Variants in RECK observed in about 807,000 individuals in gnomAD.
The protein encoded by RECK is reversion inducing cysteine rich protein with kazal motifs, also known as reversion-inducing cysteine-rich protein with Kazal motifs.
RECK carries 69 observed loss-of-function variants against 115.1 expected under a neutral mutation model. The observed-to-expected ratio is 0.60, with a 90% CI of 0.49 to 0.73. The LOEUF (loss-of-function observed/expected upper bound fraction) is 0.73, where lower values mean the gene tolerates loss of function less well. Among genes scored for constraint, RECK ranks in the 30% least tolerant of loss-of-function variants. RECK has a pLI of 0.00. For missense variants in RECK, 1,047 were observed against 1,203.7 expected, an observed-to-expected ratio of 0.87 and a Z score of 1.93; for synonymous variants, 414 against 419.7, an observed-to-expected ratio of 0.99 and a Z score of 0.17.
At chr9:36,077,951 T>G (rs752271695) in intron 6 of RECK, among the ~76,000 whole-genome samples, 11 of 152,222 alleles carry the variant, frequency 7.2e-5, no homozygotes, top group Admixed American at 1.3e-4. Flanking sequence ...CATGCACCCA[T>G]AGTCGCAGGT....
At chr9:36,078,352 A>T (rs563005069) in intron 6 of RECK, among the ~76,000 whole-genome samples, 1 of 152,374 alleles carries the variant, frequency 6.6e-6, no homozygotes, top group African/African-American at 2.4e-5. Flanking sequence ...AACCACAGTG[A>T]CATTTATTTG....
chr9:36,114,806 C>T (rs768079804), intron 16 of RECK, among the ~76,000 whole-genome samples: 11 of 152,190 alleles, frequency 7.2e-5, no homozygotes, highest in Non-Finnish European at 1.3e-4. Flanking sequence ...GATGGTGCCA[C>T]TGCACTCCAG....
chr9:36,114,727 C>T (rs1318434030), intron 16 of RECK, among the ~76,000 whole-genome samples: 1 of 152,054 alleles, frequency 6.6e-6, no homozygotes, highest in Non-Finnish European at 1.5e-5. Context: ...CACCTGTAGT[C>T]CCAGCTACTC....
At chr9:36,046,044 A>T (rs1821062073) in intron 1 of RECK, among the ~76,000 whole-genome samples, 1 of 152,204 alleles carries the variant, frequency 6.6e-6, no homozygotes, top group Admixed American at 6.5e-5. Context: ...AATGAAGATA[A>T]CACCTGTGTT....
intron 1 of RECK, among the ~76,000 whole-genome samples, chr9:36,050,712 G>T (rs943072586): frequency 1.3e-5 from 2 of 151,918 alleles, no homozygotes; most frequent in Admixed American, 6.6e-5. Flanking sequence ...CTCTCTGATC[G>T]CATTATGTCC....
chr9:36,099,709 T>A (rs1209784874), intron 10 of RECK, among the ~76,000 whole-genome samples: 2 of 152,126 alleles, frequency 1.3e-5, no homozygotes, highest in African/African-American at 4.8e-5. Context: ...GGTCTCAAAC[T>A]CCTGAGCTCA....
In RECK at chr9:36,088,655, A is replaced by C. The variant is rs567966035; in HGVS notation, c.905+694A>C. Among the ~76,000 whole-genome samples, 371 of 152,380 alleles carry C rather than the reference A, an allele frequency of 2.4e-3. 1 individual carries two copies. Among genetic ancestry groups the C allele is most frequent in the African/African-American group, 8.7e-3 (362 of 41,590 alleles). On this transcript the variant is annotated intron_variant, in intron 9 of 20. Transcript: ENST00000377966. ...TGGTTTCTAAATTGGATGGACCTTT[A>C]GCAAAAAATTTTGCCTAGAATAGCT...
intron 13 of RECK, among the ~76,000 whole-genome samples, chr9:36,106,250 T>C (rs1823810762): frequency 6.6e-6 from 1 of 151,890 alleles, no homozygotes; most frequent in Non-Finnish European, 1.5e-5. Flanking sequence ...GTTTTTTTTT[T>C]TGAGACGGGG....
chr9:36,106,241 T>G (rs1323902867), intron 13 of RECK, among the ~76,000 whole-genome samples: 1 of 142,380 alleles, frequency 7.0e-6, no homozygotes, highest in African/African-American at 2.6e-5. Flanking sequence ...AAAAAAAACG[T>G]TTTTTTTTTT....
chr9:36,071,832 C>A (rs1822241904), intron 6 of RECK, among the ~76,000 whole-genome samples: 1 of 152,106 alleles, frequency 6.6e-6, no homozygotes, highest in East Asian at 1.9e-4. Flanking sequence ...AAAATTAAGA[C>A]TGTTGAGGAT....
intron 16 of RECK, among the ~76,000 whole-genome samples, chr9:36,112,869 G>A (rs1338359023): frequency 6.6e-6 from 1 of 152,206 alleles, no homozygotes. Context: ...CATGGTGTCT[G>A]TTGGGCACTA....
intron 1 of RECK, among the ~76,000 whole-genome samples, chr9:36,042,423 A>AGT (rs35193636): frequency 0.13 from 18,757 of 144,278 alleles, 1,313 homozygotes; most frequent in Non-Finnish European, 0.17. Flanking sequence ...AGTATTCCAT[A>AGT]GTGTGTGTGT....
chr9:36,056,417 G>A (rs938256753), intron 2 of RECK, among the ~76,000 whole-genome samples: 1 of 152,066 alleles, frequency 6.6e-6, no homozygotes, highest in African/African-American at 2.4e-5. Flanking sequence ...TGATCTGTAG[G>A]TTTCTCCTTG....
intron 2 of RECK, among the ~76,000 whole-genome samples, chr9:36,055,963 C>T (rs1821504911): frequency 6.6e-6 from 1 of 151,896 alleles, no homozygotes; most frequent in African/African-American, 2.4e-5. Context: ...TCTTTCTTAT[C>T]TTTCATTATT....
chr9:36,040,239 G>T (rs1338030512), intron 1 of RECK, among the ~76,000 whole-genome samples: 2 of 152,126 alleles, frequency 1.3e-5, no homozygotes, highest in Non-Finnish European at 2.9e-5. Context: ...ATGCCATGAA[G>T]GAACTAAACC....
intron 15 of RECK, among the ~76,000 whole-genome samples, chr9:36,111,689 C>T (rs895129997): frequency 4.6e-5 from 7 of 152,110 alleles, no homozygotes; most frequent in Non-Finnish European, 1.0e-4. Flanking sequence ...CCACTGTGCC[C>T]AGCCCACTCT....
intron 1 of RECK, among the ~76,000 whole-genome samples, chr9:36,042,243 G>A (rs1251512456): frequency 6.6e-6 from 1 of 151,870 alleles, no homozygotes; most frequent in Non-Finnish European, 1.5e-5. Flanking sequence ...CCCAAAGTCC[G>A]TTGTATTGTT....
chr9:36,070,907 G>A (rs1338677172), intron 6 of RECK, among the ~76,000 whole-genome samples: 1 of 152,190 alleles, frequency 6.6e-6, no homozygotes. Flanking sequence ...AAGTATCATG[G>A]ACTTGCTCAG....
Position 36,114,982 on chromosome 9 carries a change from T to C in RECK, c.2061-2003T>C, listed in dbSNP as rs557678475. Among the ~76,000 whole-genome samples, 4 of 152,276 alleles carry C rather than the reference T, an allele frequency of 2.6e-5. 1 individual carries two copies. The South Asian group carries it at 8.3e-4, about 32-fold the overall frequency. ...TTTCACTGTATACCATGTTGTACTTTTTCAGTTTCACCATGGGCTTGTATT... is the reference window on the plus strand; with the variant it reads ...TTTCACTGTATACCATGTTGTACTTCTTCAGTTTCACCATGGGCTTGTATT... On this transcript the variant is annotated intron_variant, in intron 16 of 20. Transcript: ENST00000377966.
Sources: gnomAD v4.1 joint callset for allele counts (sites outside exome capture counted in the v4.1 genomes callset) on GRCh38, gnomAD v4.1.1 for gene constraint, MANE v1.5 for transcripts, NCBI Gene and HGNC (gene_info 2026-07-23, HGNC 2026-07-21) for gene names.